CGREF1: variants seen among roughly 807,000 people sequenced by gnomAD.
The protein encoded by CGREF1 is cell growth regulator with EF-hand domain 1.
Under a neutral mutation model 17.4 loss-of-function variants are expected in CGREF1, and 16 were observed. That is an observed-to-expected ratio of 0.92 (90% CI 0.62 to 1.40). The LOEUF is 1.40. Ranked by LOEUF, CGREF1 falls within the 40% of genes most tolerant of loss-of-function variation. CGREF1 has a pLI of 0.00. For synonymous variants in CGREF1, 142 were observed against 154.6 expected (o/e 0.92, Z 0.61); for missense variants, 296 against 376.4 (o/e 0.79, Z 1.77).
chr2:27,100,584 G>A (rs1301660522), downstream of CGREF1: 2 of 1,271,284 alleles, frequency 1.6e-6, no homozygotes, highest in Non-Finnish European at 2.1e-6. Context: ...GCTTTAGAGT[G>A]AGACAGACCT....
intron 1 of CGREF1, among the ~76,000 whole-genome samples, chr2:27,108,680 T>C (rs1394277975): frequency 1.5e-5 from 1 of 64,824 alleles, no homozygotes; most frequent in African/African-American, 5.2e-5. Flanking sequence ...ATTAGACTGA[T>C]AGCTGATTTC....
intron 1 of CGREF1, among the ~76,000 whole-genome samples, chr2:27,116,871 T>TTCTTTCTCTCTCTCTCTCTCTCTCTCTC (rs1671586370): frequency 3.0e-5 from 1 of 33,680 alleles, no homozygotes; most frequent in African/African-American, 1.0e-4. Flanking sequence ...GCCAGGCCTA[T>TTCTTTCTCTCTCTCTCTCTCTCTCTCTC]TCTCTCTCTC....
In CGREF1 at chr2:27,102,598, G is replaced by A. The variant is rs1173137245; in HGVS notation, c.81-7C>T. 1.9e-6 allele frequency: 3 copies of A among 1,609,362 alleles called. No individual in the cohort carries two copies. The highest frequency in any genetic ancestry group is 2.5e-6 in the Non-Finnish European group (3 of 1,179,314). On this transcript the variant is annotated splice_polypyrimidine_tract_variant and splice_region_variant and intron_variant, in intron 2 of 5. Transcript: ENST00000402394. ...CTGCACTTCAGAGTCTGGCCTGGAG[G>A]AGGAAGGGGAGGACCAGCCTTGCAG...
At chr2:27,112,742 A>G (rs1289889607) in intron 1 of CGREF1, among the ~76,000 whole-genome samples, 1 of 152,264 alleles carries the variant, frequency 6.6e-6, no homozygotes, top group Non-Finnish European at 1.5e-5. Context: ...ACCATTAAAT[A>G]TAATACATCA....
At chr2:27,108,187 G>A (rs1029867868) in intron 1 of CGREF1, among the ~76,000 whole-genome samples, 7 of 151,324 alleles carry the variant, frequency 4.6e-5, no homozygotes, top group East Asian at 3.9e-4. Context: ...CCCAGGAGGC[G>A]GAGGTTGCAG....
chr2:27,117,264 C>T (rs979311041), intron 1 of CGREF1, among the ~76,000 whole-genome samples: 8 of 152,148 alleles, frequency 5.3e-5, no homozygotes, highest in African/African-American at 1.7e-4. Context: ...TAACCCACCT[C>T]AGTGGTTTAA....
At chr2:27,106,638 GTC>G (rs1325045404) in intron 1 of CGREF1, among the ~76,000 whole-genome samples, 3 of 152,138 alleles carry the variant, frequency 2.0e-5, no homozygotes, top group Non-Finnish European at 2.9e-5. Context: ...CTGGGATGGA[GTC>G]TCTCTCACTC....
At chr2:27,104,213 C>T in intron 2 of CGREF1, 74 bp downstream of exon 2, 1 of 1,446,306 alleles carries the variant, frequency 6.9e-7, no homozygotes, top group South Asian at 1.4e-5. Context: ...TCCCAGAGGG[C>T]CCACCACACC....
In CGREF1 at chr2:27,102,361, C is replaced by T; in HGVS notation, c.216G>A (p.Gln72=). The change falls in exon 4 of 6, where the codon CAG becomes CAA. Residue 72 remains glutamine (Q), a splice_region_variant and synonymous_variant. Transcript: ENST00000402394. The part of the protein sequence containing the change: ...EVQLEHLSRE[Q]VLLYLFALHD... ...GGCCCCATCAGCCCAGCCCCTCACCCTGCTCCCGGCTCAGATGCTCCAGTT... is the reference window on the plus strand; with the variant it reads ...GGCCCCATCAGCCCAGCCCCTCACCTTGCTCCCGGCTCAGATGCTCCAGTT... 1.2e-6 allele frequency: 2 copies of T among 1,614,126 alleles called. No individual in the cohort carries two copies. The highest frequency in any genetic ancestry group is 1.7e-6 in the Non-Finnish European group (2 of 1,179,982).
At chr2:27,104,704 G>A in intron 1 of CGREF1, 1 of 1,549,220 alleles carries the variant, frequency 6.5e-7, no homozygotes, top group Non-Finnish European at 8.7e-7. Flanking sequence ...TACAGCGCAA[G>A]CATATCTGAC....
intron 1 of CGREF1, among the ~76,000 whole-genome samples, chr2:27,115,155 G>A (rs757492731): frequency 6.6e-5 from 10 of 151,584 alleles, no homozygotes; most frequent in South Asian, 2.1e-4. Context: ...CAAGTTCCCC[G>A]CTCTCAGAGG....
At position 27,101,808 on chromosome 2, in the gene CGREF1, G is replaced by A; in HGVS notation, c.423C>T (p.Asn141=). 6.2e-7 allele frequency: 1 copy of A among 1,614,192 alleles called. No homozygotes were observed. Among genetic ancestry groups the A allele is most frequent in the African/African-American group, 1.3e-5 (1 of 75,062 alleles). ...CGTGCCTGAGGGCTACTCCCGGGAA[G>A]TTGATGAGCTCAGCAGGGGTCATGA... ...DGLMTPAELI[N]FPGVALRHVE... Residue 141 remains asparagine, a synonymous_variant, in exon 6 of 6, where the codon AAC becomes AAT. Transcript: ENST00000402394.
chr2:27,112,578 C>T (rs1027632065), intron 1 of CGREF1, among the ~76,000 whole-genome samples: 1 of 152,146 alleles, frequency 6.6e-6, no homozygotes, highest in Non-Finnish European at 1.5e-5. Flanking sequence ...TCTGACCCAA[C>T]AATATCGTCT....
chr2:27,107,699 C>T (rs1246940151), intron 1 of CGREF1, among the ~76,000 whole-genome samples: 4 of 150,896 alleles, frequency 2.7e-5, no homozygotes, highest in African/African-American at 4.9e-5. Flanking sequence ...CTTTAGGAGG[C>T]TGAGGCTGGT....
In CGREF1 at chr2:27,102,016, A is replaced by G. The variant is rs137982700; in HGVS notation, c.342+81T>C. 389 of 1,559,950 alleles carry G rather than the reference A, an allele frequency of 2.5e-4. No individual in the cohort carries two copies. In the African/African-American group the frequency reaches 4.6e-3, roughly 18 times the overall value. ...GCCCTCCTTTTACAGAGGACTCACC[A>G]AAAGAGTTATGATGAGAAAGACCAA... On this transcript the variant is annotated intron_variant, in intron 5 of 5. Transcript: ENST00000402394.
At chr2:27,101,987 C>G (rs1456154014) in intron 5 of CGREF1, 99 bp from the exon 6 acceptor site, 1 of 1,560,472 alleles carries the variant, frequency 6.4e-7, no homozygotes, top group Non-Finnish European at 8.7e-7. Flanking sequence ...CGTGCAAGCT[C>G]TGAGCCCTCC....
chr2:27,106,608 A>G (rs12619011), intron 1 of CGREF1, among the ~76,000 whole-genome samples: 148,461 of 152,318 alleles, frequency 0.97, 72,474 homozygotes, highest in South Asian at 1. Context: ...TCTAATGTGG[A>G]TTTTTTGTTT....
At position 27,103,155 on chromosome 2, in the gene CGREF1, G is replaced by C. The variant is rs546729714; in HGVS notation, c.81-564C>G. ...CTCCCACTTCTGGACTGGGTTAACT[G>C]TTTGCCCAAGTCAATCCAGACCTGT... is the stretch of plus-strand genomic sequence containing the variant. On this transcript the variant is annotated intron_variant, in intron 2 of 5. Transcript: ENST00000402394. 130 of 974,054 alleles carry C rather than the reference G, an allele frequency of 1.3e-4. No individual in the cohort carries two copies. In the African/African-American group the frequency reaches 2.1e-3, roughly 16 times the overall value. 60.3% of individuals were successfully genotyped at this position (974,054 alleles called of 1,614,324 possible). A position where few individuals can be genotyped will look rare whatever the true frequency, so the allele number is the denominator to read the frequency against.
downstream of CGREF1, chr2:27,099,648 A>C: frequency 6.2e-7 from 1 of 1,614,114 alleles, no homozygotes; most frequent in Non-Finnish European, 8.5e-7. Context: ...TGACCTAGCT[A>C]CTTGCCCCTC....
Sources: gnomAD v4.1 joint callset for allele counts (sites outside exome capture counted in the v4.1 genomes callset) on GRCh38, gnomAD v4.1.1 for gene constraint, MANE v1.5 for transcripts, NCBI Gene and HGNC (gene_info 2026-07-23, HGNC 2026-07-21) for gene names.